Variants in MYO1G observed in about 807,000 individuals in gnomAD.
MYO1G encodes the protein unconventional myosin-Ig.
MYO1G carries 65 observed loss-of-function variants against 115.3 expected under a neutral mutation model. The observed-to-expected ratio is 0.56, with a 90% CI of 0.46 to 0.69. The LOEUF (loss-of-function observed/expected upper bound fraction) is 0.69, where lower values mean the gene tolerates loss of function less well. Among genes scored for constraint, MYO1G ranks in the 30% least tolerant of loss-of-function variants. The pLI is 0.00. For synonymous variants in MYO1G, 510 were observed against 552.6 expected (o/e 0.92, Z 1.08); for missense variants, 1,204 against 1,393.5 (o/e 0.86, Z 2.16).
chr7:44,977,585 C>T (rs1285271013), intron 1 of MYO1G, among the ~76,000 whole-genome samples: 1 of 148,578 alleles, frequency 6.7e-6, no homozygotes, highest in South Asian at 2.2e-4. Flanking sequence ...GAGTTGATGT[C>T]GTTGTCTTTA....
chr7:44,967,862 G>A (rs1220068238), intron 13 of MYO1G, 22 bp downstream of exon 13: 1 of 1,613,660 alleles, frequency 6.2e-7, no homozygotes, highest in Non-Finnish European at 8.5e-7. Context: ...CCTCCCTATG[G>A]TGCCCAGCAA....
chr7:44,976,156 G>A (rs1795045890), intron 3 of MYO1G, among the ~76,000 whole-genome samples: 4 of 152,204 alleles, frequency 2.6e-5, no homozygotes, highest in Admixed American at 1.3e-4. Flanking sequence ...AAGGCTCCTG[G>A]CCATCACCCA....
chr7:44,977,199 G>T, intron 1 of MYO1G, 128 bp from the exon 2 acceptor site: 1 of 823,440 alleles, frequency 1.2e-6, no homozygotes, highest in Non-Finnish European at 1.9e-6. Context: ...TGAGAGTGGA[G>T]AAGGAAGAAG....
chr7:44,964,019 T>C lies in MYO1G; in HGVS notation c.2745+30A>G, dbSNP rs1017500071. The stretch of plus-strand genomic sequence containing the variant: ...GCCCAGCAGTGCCCCTCACAGATGC[T>C]GCACCCTACTCCCCACCCACATTGC... On this transcript the variant is annotated intron_variant, in intron 20 of 21. Transcript: ENST00000258787. This position sits in a 1 kb window ranked among gnomAD's most constrained non-coding sequence, Gnocchi z 5.1. 8 of 1,526,062 alleles carry C rather than the reference T, an allele frequency of 5.2e-6. No individual in the cohort carries two copies. In the Middle Eastern group the frequency reaches 5.0e-4, roughly 96 times the overall value. The allele number at this position is 1,526,062 out of a possible 1,614,324, so 94.5% of individuals were successfully genotyped here. A position where few individuals can be genotyped will look rare whatever the true frequency, so the allele number is the denominator to read the frequency against.
Position 44,976,877 on chromosome 7 carries a change from C to A in MYO1G, c.290G>T (p.Cys97Phe). 6.2e-7 allele frequency: 1 copy of A among 1,613,392 alleles called. No individual in the cohort carries two copies. The highest frequency in any genetic ancestry group is 8.5e-7 in the Non-Finnish European group (1 of 1,180,022). The change falls in exon 2 of 22, where the codon TGC becomes TTC. Residue 97 changes from cysteine to phenylalanine, a missense_variant. By Grantham distance (205) the Cys-to-Phe change is radical. Coordinates refer to ENST00000258787, the MANE Select transcript of MYO1G (RefSeq NM_033054.3). ...KAMKHRSRDTCIVISGESGAG... is the reference protein window; with the variant it reads ...KAMKHRSRDTFIVISGESGAG... ...GGGACAGGTACCTGAGATGACGATG[C>A]AGGTGTCCCTGGACCGGTGCTTCAT...
chr7:44,972,103 C>CCTCACA lies in MYO1G; in HGVS notation c.729+6_729+11dup. 6.2e-7 allele frequency: 1 copy of CCTCACA among 1,604,694 alleles called. No homozygotes were observed. The highest frequency in any genetic ancestry group is 2.2e-5 in the East Asian group (1 of 44,850). On this transcript the variant is annotated intron_variant, in intron 6 of 21. Coordinates refer to ENST00000258787, the MANE Select transcript of MYO1G (RefSeq NM_033054.3). ...GAGCCCAGTTTGAGCCCTTGGTGCC[C>CCTCACA]CTCACACTCACACTGTGCACAGTCA...
At position 44,964,904 on chromosome 7, in the gene MYO1G, C is replaced by T. The variant is rs1301892264; in HGVS notation, c.2526+41G>A. On this transcript the variant is annotated intron_variant, in intron 18 of 21. Coordinates refer to ENST00000258787, the MANE Select transcript of MYO1G (RefSeq NM_033054.3). This position sits in a 1 kb window ranked among gnomAD's most constrained non-coding sequence, Gnocchi z 5.1. ...ATTAGCCGAGAGCCCTCTTTGGCAG[C>T]CCACTTCCCCCTGGCAGCCCTGGAC... The T allele has an allele frequency of 1.9e-6, 3 of 1,572,156 alleles. No homozygotes were observed. Among genetic ancestry groups the T allele is most frequent in the South Asian group, 1.1e-5 (1 of 87,732 alleles).
At chr7:44,965,982 T>G (rs759421058) in intron 16 of MYO1G, 91 bp downstream of exon 16, 55 of 1,555,262 alleles carry the variant, frequency 3.5e-5, no homozygotes, top group African/African-American at 4.1e-5. Context: ...AAGCAGAGAC[T>G]CCTGTGAAAC....
At chr7:44,968,134 C>T (rs199638989) in intron 12 of MYO1G, among the ~76,000 whole-genome samples, 176 bp from the exon 13 acceptor site, 80 of 152,166 alleles carry the variant, frequency 5.3e-4, no homozygotes, top group Non-Finnish European at 9.0e-4. Flanking sequence ...CTTTCTCTTT[C>T]GTCATGTAAG....
Position 44,963,972 on chromosome 7 carries a change from G to C in MYO1G, c.2745+77C>G. On this transcript the variant is annotated intron_variant, in intron 20 of 21. Transcript: ENST00000258787. The surrounding 1 kb of genome is among the most constrained non-coding windows in gnomAD (Gnocchi z 4.1). ...CATCTCAGGTAAACAGGGGAGAGAA[G>C]ACTGAGGCAGGACTCTGAGCAGCCC... The C allele has an allele frequency of 8.5e-7, 1 of 1,180,398 alleles. No homozygotes were observed. The highest frequency in any genetic ancestry group is 1.2e-6 in the Non-Finnish European group (1 of 816,794). The allele number at this position is 1,180,398 out of a possible 1,614,324, so 73.1% of individuals were successfully genotyped here. A position where few individuals can be genotyped will look rare whatever the true frequency, so the allele number is the denominator to read the frequency against.
chr7:44,970,676 C>A lies in MYO1G; in HGVS notation c.1133G>T (p.Arg378Leu), dbSNP rs374351000. 6.2e-7 allele frequency: 1 copy of A among 1,613,966 alleles called. No homozygotes were observed. Among genetic ancestry groups the A allele is most frequent in the East Asian group, 2.2e-5 (1 of 44,882 alleles). ...GCCATCACGCCGAGGATCCCGGCCC[C>A]GGGGTTCCATGACACTGTTGATCCT... ...VNRINSVMEPRGRDPRRDGKD... is the reference protein window; with the variant it reads ...VNRINSVMEPLGRDPRRDGKD... Residue 378 changes from arginine (R) to leucine (L), a missense_variant, in exon 9 of 22, where the codon CGG (arginine) becomes CTG (leucine). Coordinates refer to ENST00000258787, the MANE Select transcript of MYO1G (RefSeq NM_033054.3).
At chr7:44,975,690 C>G in intron 3 of MYO1G, 41 bp from the exon 4 acceptor site, 1 of 1,528,354 alleles carries the variant, frequency 6.5e-7, no homozygotes, top group Admixed American at 2.0e-5. Context: ...CAAAGACTTC[C>G]CATCTGGGGA....
rs1794840383 is a variant in MYO1G at position 44,966,203 on chromosome 7, T to C, written c.2027A>G (p.Glu676Gly). 12 of 1,612,606 alleles carry C rather than the reference T, an allele frequency of 7.4e-6. No individual in the cohort carries two copies. The highest frequency in any genetic ancestry group is 1.0e-5 in the Non-Finnish European group (12 of 1,179,868). ...SDKAAVSALL[E>G]QHGLQGDVAF... is the part of the protein sequence containing the mutation. ...CACGTCCCCCTGCAGCCCGTGCTGC[T>C]CCAGGAGAGCGCTCACGGCTGCCTT... The change falls in exon 16 of 22, where the codon GAG becomes GGG. Residue 676 changes from glutamate (E) to glycine (G), a missense_variant. Glu to Gly is a moderately conservative substitution (Grantham distance 98). Coordinates refer to ENST00000258787, the MANE Select transcript of MYO1G (RefSeq NM_033054.3). The surrounding 1 kb of genome is among the most constrained non-coding windows in gnomAD (Gnocchi z 5.0).
chr7:44,965,628 G>C lies in MYO1G; in HGVS notation c.2381+9C>G. On this transcript the variant is annotated intron_variant, in intron 17 of 21. Transcript: ENST00000258787. ...CTGAATGGAATGTGTGGTGGGCTGAGAGTAGTACCTGCAGAAGAGTGCGTG... is the reference window on the plus strand; with the variant it reads ...CTGAATGGAATGTGTGGTGGGCTGACAGTAGTACCTGCAGAAGAGTGCGTG... 1 of 1,610,752 alleles carries C rather than the reference G, an allele frequency of 6.2e-7. No homozygotes were observed. Among genetic ancestry groups the C allele is most frequent in the Non-Finnish European group, 8.5e-7 (1 of 1,177,380 alleles).
chr7:44,976,841 G>T, intron 2 of MYO1G, 22 bp downstream of exon 2: 1 of 1,610,910 alleles, frequency 6.2e-7, no homozygotes, highest in South Asian at 1.1e-5. Context: ...GAGGGTGGGG[G>T]CCCGGCGGCA....
chr7:44,977,852 T>C (rs1358092075), intron 1 of MYO1G, among the ~76,000 whole-genome samples: 4 of 152,156 alleles, frequency 2.6e-5, no homozygotes, highest in Non-Finnish European at 1.5e-5. Flanking sequence ...GTCCTGAGGT[T>C]CCTCTTTCTC....
chr7:44,962,923 C>T lies in MYO1G; in HGVS notation c.2901-28G>A. 6.7e-7 allele frequency: 1 copy of T among 1,499,764 alleles called. No homozygotes were observed. The highest frequency in any genetic ancestry group is 8.9e-7 in the Non-Finnish European group (1 of 1,126,956). 92.9% of individuals were successfully genotyped at this position (1,499,764 alleles called of 1,614,324 possible). On this transcript the variant is annotated intron_variant, in intron 21 of 21. Coordinates refer to ENST00000258787, the MANE Select transcript of MYO1G (RefSeq NM_033054.3). The surrounding 1 kb of genome is among the most constrained non-coding windows in gnomAD (Gnocchi z 5.3). ...GCGGCAGGAGGAGGGGTCAGGGCGGCCACGCGGCCGGGGCTTCGTGCCCGC... is the reference window on the plus strand; with the variant it reads ...GCGGCAGGAGGAGGGGTCAGGGCGGTCACGCGGCCGGGGCTTCGTGCCCGC...
chr7:44,975,799 C>G, intron 3 of MYO1G, 150 bp from the exon 4 acceptor site: 1 of 852,156 alleles, frequency 1.2e-6, no homozygotes. Context: ...CTGGCCTCGC[C>G]CAGTGTTGCC....
At position 44,970,068 on chromosome 7, in the gene MYO1G, T is replaced by A. The variant is rs201080539; in HGVS notation, c.1304A>T (p.Tyr435Phe). Residue 435 changes from tyrosine (Y) to phenylalanine (F), a missense_variant, in exon 10 of 22, where the codon TAC (tyrosine) becomes TTC (phenylalanine). Transcript: ENST00000258787. ...CTGCCAGGTGATGCCCTCGCGCTCGTACTCTTCCTGTTCCTGCTTCAGGAT... is the reference window on the plus strand; with the variant it reads ...CTGCCAGGTGATGCCCTCGCGCTCGAACTCTTCCTGTTCCTGCTTCAGGAT... ...QLILKQEQEE[Y>F]EREGITWQSV... 6.2e-7 allele frequency: 1 copy of A among 1,614,094 alleles called. No homozygotes were observed. The highest frequency in any genetic ancestry group is 2.2e-5 in the East Asian group (1 of 44,880).
Sources: allele counts gnomAD v4.1 joint callset (sites outside exome capture counted in the v4.1 genomes callset), GRCh38; gene constraint gnomAD v4.1.1; non-coding constraint Gnocchi (gnomAD v3.1); transcripts MANE v1.5; gene names NCBI Gene and HGNC (gene_info 2026-07-23, HGNC 2026-07-21).